CD99: variants seen among roughly 807,000 people sequenced by gnomAD.
CD99 encodes CD99 molecule (Xg blood group), also known as CD99 antigen.
Under a neutral mutation model 28.4 loss-of-function variants are expected in CD99, and 19 were observed. The observed-to-expected ratio is 0.67, with a 90% CI of 0.47 to 0.98. The LOEUF is 0.98. Ranked by LOEUF, CD99 falls within the 50% of genes least tolerant of loss-of-function variation. CD99 has a pLI of 0.00. For synonymous variants in CD99, 103 were observed against 92.1 expected (o/e 1.12, Z -0.67); for missense variants, 283 against 248.8 (o/e 1.14, Z -0.92).
In CD99 at chrX:2,726,323, T is replaced by C; in HGVS notation, c.425T>C (p.Ile142Thr). 6.2e-7 allele frequency: 1 copy of C among 1,612,144 alleles called. No individual in the cohort carries two copies. The highest frequency in any genetic ancestry group is 8.5e-7 in the Non-Finnish European group (1 of 1,179,644). ...GAVVVAVAGA[I>T]SSFIAYQKKK... Reference sequence around the variant, plus strand: ...GTCGTGGTCGCCGTGGCTGGAGCCATCTCTAGCTTCATTGCTTACCAGAAA... The same window carrying C: ...GTCGTGGTCGCCGTGGCTGGAGCCACCTCTAGCTTCATTGCTTACCAGAAA... The change falls in exon 8 of 10, where the codon ATC becomes ACC. Residue 142 changes from isoleucine to threonine, a missense_variant. Transcript: ENST00000381192.
intron 1 of CD99, among the ~76,000 whole-genome samples, chrX:2,712,297 A>C (rs746243594): frequency 1.3e-5 from 2 of 152,164 alleles, no homozygotes; most frequent in Non-Finnish European, 2.9e-5. Context: ...GGATAAGTTC[A>C]GGGGTCTACT....
At chrX:2,722,762 C>G in intron 6 of CD99, 88 bp downstream of exon 6, 3 of 1,292,828 alleles carry the variant, frequency 2.3e-6, no homozygotes, top group South Asian at 1.2e-5. Flanking sequence ...TCTAAACTGT[C>G]AGCTCTCTGT....
intron 1 of CD99, among the ~76,000 whole-genome samples, chrX:2,695,090 C>T (rs1337699261): frequency 6.6e-6 from 1 of 152,124 alleles, no homozygotes; most frequent in African/African-American, 2.4e-5. Context: ...GTTTTCAGTC[C>T]TGCTGAAAAT....
intron 2 of CD99, among the ~76,000 whole-genome samples, chrX:2,717,115 G>A (rs1232508463): frequency 6.6e-6 from 1 of 152,140 alleles, no homozygotes; most frequent in Non-Finnish European, 1.5e-5. Flanking sequence ...GGGAGGACGA[G>A]GTGGGTGGAT....
chrX:2,724,610 A>G (rs756834434), intron 7 of CD99, among the ~76,000 whole-genome samples: 1 of 152,172 alleles, frequency 6.6e-6, no homozygotes, highest in East Asian at 1.9e-4. Context: ...TTCTACAAAA[A>G]ATACAAAAAT....
chrX:2,701,865 G>A (rs2047880233), intron 1 of CD99, among the ~76,000 whole-genome samples: 1 of 152,210 alleles, frequency 6.6e-6, no homozygotes, highest in Admixed American at 6.5e-5. Context: ...TAGAAGAGAA[G>A]GCACAAGCTA....
intron 7 of CD99, chrX:2,723,572 G>A (rs781325578): frequency 2.5e-5 from 16 of 634,042 alleles, no homozygotes; most frequent in Admixed American, 5.6e-5. Context: ...CCCACGTGAC[G>A]CGGATTTTAT....
chrX:2,702,978 G>A (rs1224336474), intron 1 of CD99, among the ~76,000 whole-genome samples: 11 of 151,914 alleles, frequency 7.2e-5, no homozygotes, highest in South Asian at 2.1e-4. Context: ...TAGTAGAGAC[G>A]GGGTTTCACC....
chrX:2,732,751 C>A (rs1249819058), intron 8 of CD99, among the ~76,000 whole-genome samples: 2 of 147,008 alleles, frequency 1.4e-5, no homozygotes, highest in Non-Finnish European at 3.0e-5. Flanking sequence ...TTCCATCCCT[C>A]CCTCCTTCTT....
Position 2,726,304 on chromosome X carries a change from G to C in CD99, c.406G>C (p.Val136Leu). The C allele has an allele frequency of 6.2e-7, 1 of 1,612,158 alleles. No individual in the cohort carries two copies. The highest frequency in any genetic ancestry group is 1.1e-5 in the South Asian group (1 of 90,992). The change falls in exon 8 of 10, where the codon GTC (valine) becomes CTC (leucine). Residue 136 changes from valine (V) to leucine (L), a missense_variant. Physicochemically the swap from Val to Leu is conservative, Grantham distance 32. Transcript: ENST00000381192. The stretch of plus-strand genomic sequence containing the variant: ...CCCCGGGATTGTGGGGGCTGTCGTG[G>C]TCGCCGTGGCTGGAGCCATCTCTAG... ...VIPGIVGAVVVAVAGAISSFI... is the reference protein window; with the variant it reads ...VIPGIVGAVVLAVAGAISSFI...
chrX:2,699,415 A>G (rs2047737831), intron 1 of CD99, among the ~76,000 whole-genome samples: 1 of 141,426 alleles, frequency 7.1e-6, no homozygotes, highest in Non-Finnish European at 1.5e-5. Context: ...TGATCTGCCC[A>G]CCTCGGCTTC....
intron 1 of CD99, among the ~76,000 whole-genome samples, chrX:2,696,314 T>G (rs1287063646): frequency 1.3e-5 from 2 of 152,256 alleles, no homozygotes; most frequent in African/African-American, 4.8e-5. Context: ...GGGTTCGGAT[T>G]GCTTGTGAAT....
intron 8 of CD99, chrX:2,737,909 T>G: frequency 1.6e-6 from 1 of 625,128 alleles, no homozygotes. Flanking sequence ...TGTTCCTCAG[T>G]GTTTAGGGAG....
rs185160375 is a variant in CD99 at position 2,711,317 on chromosome X, G to A, written c.68-3105G>A. Reference sequence around the variant, plus strand: ...TATATATAGTATATATAGTATGTATGTATATGGTGTGTATATATGTAGTGT... The same window carrying A: ...TATATATAGTATATATAGTATGTATATATATGGTGTGTATATATGTAGTGT... On this transcript the variant is annotated intron_variant, in intron 1 of 9. Transcript: ENST00000381192. Among the ~76,000 whole-genome samples, 437 of 148,102 alleles carry A rather than the reference G, an allele frequency of 3.0e-3. 1 individual carries two copies. The highest frequency in any genetic ancestry group is 4.5e-3 in the Non-Finnish European group (303 of 67,300).
At chrX:2,706,814 TTTAA>T (rs947498023) in intron 1 of CD99, among the ~76,000 whole-genome samples, 11 of 152,088 alleles carry the variant, frequency 7.2e-5, no homozygotes, top group African/African-American at 1.4e-4. Context: ...CCTAATTTTT[TTTAA>T]TTAATTAATT....
intron 1 of CD99, among the ~76,000 whole-genome samples, chrX:2,713,936 A>C (rs2048564828): frequency 6.6e-6 from 1 of 152,110 alleles, no homozygotes; most frequent in Non-Finnish European, 1.5e-5. Flanking sequence ...ATAATTCAGC[A>C]TGCCAGTTTC....
intron 8 of CD99, among the ~76,000 whole-genome samples, chrX:2,735,429 G>C (rs1292075971): frequency 6.6e-6 from 1 of 152,170 alleles, no homozygotes; most frequent in Non-Finnish European, 1.5e-5. Context: ...CATGAGACCA[G>C]TTCTCCTCCT....
At chrX:2,702,801 G>A (rs1482307090) in intron 1 of CD99, among the ~76,000 whole-genome samples, 7 of 149,806 alleles carry the variant, frequency 4.7e-5, no homozygotes, top group Admixed American at 4.6e-4. Context: ...TATTTTTTTT[G>A]GATGGAGTCT....
rs1488326089 is a variant in CD99, at chrX:2,717,885, T to C, written c.148+233T>C. The C allele has an allele frequency of 1.2e-5, 7 of 572,496 alleles. No homozygotes were observed. In the Admixed American group the frequency reaches 2.1e-4, roughly 17 times the overall value. The allele number at this position is 572,496 out of a possible 1,614,324, so 35.5% of individuals were successfully genotyped here. ...TTCGGGGCCATTTGGACAACATCTCTGTGTGCTTTTATTCTAAGGGTCTGA... is the reference window on the plus strand; with the variant it reads ...TTCGGGGCCATTTGGACAACATCTCCGTGTGCTTTTATTCTAAGGGTCTGA... On this transcript the variant is annotated intron_variant, in intron 3 of 9. Coordinates refer to ENST00000381192, the MANE Select transcript of CD99 (RefSeq NM_002414.5).
Sources: allele counts gnomAD v4.1 joint callset (sites outside exome capture counted in the v4.1 genomes callset), GRCh38; gene constraint gnomAD v4.1.1; transcripts MANE v1.5; gene names NCBI Gene and HGNC (gene_info 2026-07-23, HGNC 2026-07-21).